Variants in SFMBT2 observed in about 807,000 individuals in gnomAD.
SFMBT2 encodes the protein scm-like with four MBT domains protein 2.
In SFMBT2, 38 loss-of-function variants were observed where a neutral mutation model predicts 110.1. The observed-to-expected ratio is 0.35, with a 90% CI of 0.27 to 0.45. The LOEUF (loss-of-function observed/expected upper bound fraction) is 0.45, where lower values mean the gene tolerates loss of function less well. Ranked by LOEUF, SFMBT2 falls within the 20% of genes least tolerant of loss-of-function variation. The probability of loss-of-function intolerance (pLI) is 1.00; values close to 1 mark genes in which losing one functional copy is unlikely to be tolerated. For synonymous variants in SFMBT2, 425 were observed against 425.4 expected, an observed-to-expected ratio of 1.00 and a Z score of 0.01; for missense variants, 1,011 against 1,094.9, an observed-to-expected ratio of 0.92 and a Z score of 1.08.
intron 4 of SFMBT2, among the ~76,000 whole-genome samples, chr10:7,310,349 G>A (rs1354669331): frequency 1.3e-5 from 2 of 152,178 alleles, no homozygotes; most frequent in Non-Finnish European, 2.9e-5. Flanking sequence ...CCAAGATGCC[G>A]ATTCCAACTG....
At chr10:7,343,803 G>A (rs1046901037) in intron 4 of SFMBT2, among the ~76,000 whole-genome samples, 13 of 152,282 alleles carry the variant, frequency 8.5e-5, no homozygotes, top group East Asian at 3.9e-4. Flanking sequence ...GAAGCAAACC[G>A]TTAAGACCAT....
At chr10:7,278,591 T>A (rs1294865311) in intron 6 of SFMBT2, among the ~76,000 whole-genome samples, 1 of 151,012 alleles carries the variant, frequency 6.6e-6, no homozygotes, top group African/African-American at 2.4e-5. Flanking sequence ...AGATGGAGAG[T>A]TCAACCTGGG....
chr10:7,181,316 T>G (rs1385357171), intron 16 of SFMBT2, among the ~76,000 whole-genome samples: 3 of 151,746 alleles, frequency 2.0e-5, no homozygotes, highest in Non-Finnish European at 4.4e-5. Context: ...TTCTGAAATT[T>G]TTGAGTGTCA....
intron 4 of SFMBT2, chr10:7,348,455 T>C (rs930047344): frequency 9.5e-6 from 7 of 735,052 alleles, no homozygotes; most frequent in Middle Eastern, 2.8e-4. Flanking sequence ...TTTCAAAAAA[T>C]TGACATTGTT....
At chr10:7,164,774 CA>C (rs1564361572) in intron 20 of SFMBT2, among the ~76,000 whole-genome samples, 5 of 151,570 alleles carry the variant, frequency 3.3e-5, no homozygotes, top group African/African-American at 4.9e-5. Flanking sequence ...CACACACACA[CA>C]CACACACACA....
chr10:7,165,621 A>G (rs1230474164), intron 20 of SFMBT2, among the ~76,000 whole-genome samples: 2 of 152,364 alleles, frequency 1.3e-5, no homozygotes, highest in East Asian at 1.9e-4. Context: ...ACAGATGAGC[A>G]CTAGCTATGA....
chr10:7,234,924 C>T (rs955185899), intron 9 of SFMBT2, among the ~76,000 whole-genome samples: 4 of 152,282 alleles, frequency 2.6e-5, no homozygotes, highest in Non-Finnish European at 5.9e-5. Context: ...ACAGCTGGCC[C>T]CAGGCAGCAG....
At chr10:7,360,485 A>G (rs1481017411) in intron 4 of SFMBT2, among the ~76,000 whole-genome samples, 1 of 152,132 alleles carries the variant, frequency 6.6e-6, no homozygotes, top group African/African-American at 2.4e-5. Context: ...AAAAATAAAA[A>G]AGAGAGTGTG....
At chr10:7,199,284 T>A (rs1838875910) in intron 14 of SFMBT2, among the ~76,000 whole-genome samples, 1 of 152,120 alleles carries the variant, frequency 6.6e-6, no homozygotes. Flanking sequence ...GGGCCAAAAG[T>A]TTCTTAATGT....
chr10:7,358,316 C>T lies in SFMBT2; in HGVS notation c.436+9333G>A, dbSNP rs533966146. On this transcript the variant is annotated intron_variant, in intron 4 of 20. Coordinates refer to ENST00000397167, the MANE Select transcript of SFMBT2 (RefSeq NM_001387889.1). ...CATCTGCATGGCCATGGAACATCTG[C>T]ATGGCCCTAGAACATCTGCATGGCC... Among the ~76,000 whole-genome samples, 4 of 152,186 alleles carry T rather than the reference C, an allele frequency of 2.6e-5. No individual in the cohort carries two copies. In the South Asian group the frequency reaches 8.3e-4, roughly 32 times the overall value.
intron 1 of SFMBT2, among the ~76,000 whole-genome samples, chr10:7,403,778 G>A (rs957979328): frequency 2.0e-5 from 3 of 152,184 alleles, no homozygotes; most frequent in Non-Finnish European, 4.4e-5. Context: ...CCTGCTGGCT[G>A]GTGCTCTGGG....
chr10:7,318,965 G>A (rs755085499), intron 4 of SFMBT2, among the ~76,000 whole-genome samples: 1 of 152,140 alleles, frequency 6.6e-6, no homozygotes, highest in African/African-American at 2.4e-5. Context: ...CAAAGGCCCC[G>A]GGCCATAAAC....
At chr10:7,342,896 T>G (rs1199135013) in intron 4 of SFMBT2, among the ~76,000 whole-genome samples, 2 of 151,932 alleles carry the variant, frequency 1.3e-5, no homozygotes, top group Non-Finnish European at 2.9e-5. Flanking sequence ...TTTTGAAGAA[T>G]TTTATTAGAT....
intron 10 of SFMBT2, among the ~76,000 whole-genome samples, chr10:7,223,776 G>A (rs1839821952): frequency 6.6e-6 from 1 of 152,082 alleles, no homozygotes; most frequent in African/African-American, 2.4e-5. Context: ...GAATCCCCTT[G>A]AAAATCTTTT....
chr10:7,171,137 C>A lies in SFMBT2; in HGVS notation c.2416-81G>T, dbSNP rs1476181871. 15 of 1,596,182 alleles carry A rather than the reference C, an allele frequency of 9.4e-6. No homozygotes were observed. Among genetic ancestry groups the A allele is most frequent in the Non-Finnish European group, 1.3e-5 (15 of 1,171,404 alleles). On this transcript the variant is annotated intron_variant, in intron 19 of 20. Coordinates refer to ENST00000397167, the MANE Select transcript of SFMBT2 (RefSeq NM_001387889.1). This position sits in a 1 kb window ranked among gnomAD's most constrained non-coding sequence, Gnocchi z 4.9. ...TCTCCAGCACTCTCCAGGCCTCGGC[C>A]GTTCCTGGCCGGAAGCCACTGCCTC...
rs1053683401 is a variant in SFMBT2 at position 7,175,865 on chromosome 10, A to T, written c.1984+125T>A. ...AATCCTTAAAAATCCTTCCATAGCA[A>T]TTCCTATGGAAGACTAGTCAAAAGG... On this transcript the variant is annotated intron_variant, in intron 17 of 20. Transcript: ENST00000397167. 18 of 856,000 alleles carry T rather than the reference A, an allele frequency of 2.1e-5. No individual in the cohort carries two copies. The African/African-American group carries it at 3.1e-4, about 15-fold the overall frequency. 53.0% of individuals were successfully genotyped at this position (856,000 alleles called of 1,614,324 possible).
chr10:7,200,398 A>C lies in SFMBT2; in HGVS notation c.1558+16T>G, dbSNP rs1291922524. On this transcript the variant is annotated intron_variant, in intron 14 of 20. Coordinates refer to ENST00000397167, the MANE Select transcript of SFMBT2 (RefSeq NM_001387889.1). ...CGGTGGGAAGGCACAGAGACCCCCT[A>C]AATGGGACTGATTACCTGTGGTGTC... 6.3e-7 allele frequency: 1 copy of C among 1,578,982 alleles called. No individual in the cohort carries two copies.
intron 8 of SFMBT2, chr10:7,244,004 TG>T: frequency 1.7e-6 from 1 of 581,722 alleles, no homozygotes; most frequent in Non-Finnish European, 2.2e-6. Context: ...GAAAAATGAA[TG>T]GAGGAAGTCA....
chr10:7,297,133 A>T (rs920498698), intron 4 of SFMBT2, among the ~76,000 whole-genome samples: 12 of 152,370 alleles, frequency 7.9e-5, no homozygotes, highest in Middle Eastern at 3.4e-3. Flanking sequence ...TTCAGCAGGC[A>T]AAAAGAATAA....
Sources: gnomAD v4.1 joint callset for allele counts (sites outside exome capture counted in the v4.1 genomes callset) on GRCh38, gnomAD v4.1.1 for gene constraint, Gnocchi (gnomAD v3.1) non-coding constraint, MANE v1.5 for transcripts, NCBI Gene and HGNC (gene_info 2026-07-23, HGNC 2026-07-21) for gene names.